VPS29: variants seen among roughly 807,000 people sequenced by gnomAD.
VPS29 encodes the protein VPS29 retromer complex component, also known as vacuolar protein sorting-associated protein 29.
A neutral mutation model predicts 20.0 loss-of-function variants in VPS29; 2 were observed. The observed-to-expected ratio is 0.10, with a 90% CI of 0.04 to 0.31. VPS29 has a LOEUF of 0.31. Among genes scored for constraint, VPS29 ranks in the 10% least tolerant of loss-of-function variants. The pLI is 1.00. For missense variants in VPS29, 120 were observed against 215.3 expected, an observed-to-expected ratio of 0.56 and a Z score of 2.77; for synonymous variants, 81 against 79.3, an observed-to-expected ratio of 1.02 and a Z score of -0.12.
At chr12:110,494,909 A>G (rs1239515097) in intron 2 of VPS29, among the ~76,000 whole-genome samples, 2 of 151,820 alleles carry the variant, frequency 1.3e-5, no homozygotes, top group Non-Finnish European at 2.9e-5. Context: ...TTTAGTAGAG[A>G]TGGGGTTTCA....
rs1004104145 is a variant in VPS29, at chr12:110,499,616, T to C, written c.3+2433A>G. The C allele has an allele frequency of 8.6e-6, 10 of 1,163,204 alleles. No homozygotes were observed. The Admixed American group carries it at 1.7e-4, about 19-fold the overall frequency. The allele number at this position is 1,163,204 out of a possible 1,614,324, so 72.1% of individuals were successfully genotyped here. A position where few individuals can be genotyped will look rare whatever the true frequency, so the allele number is the denominator to read the frequency against. On this transcript the variant is annotated intron_variant, in intron 1 of 3. Transcript: ENST00000549578. ...AAAAAGGGTGAAACATGACCAATGTTAAAAGAAAGCAACAAAAAGAAACCA... is the reference window on the plus strand; with the variant it reads ...AAAAAGGGTGAAACATGACCAATGTCAAAAGAAAGCAACAAAAAGAAACCA...
chr12:110,493,983 C>T (rs910867699), intron 2 of VPS29, among the ~76,000 whole-genome samples: 13 of 152,088 alleles, frequency 8.5e-5, no homozygotes, highest in African/African-American at 3.1e-4. Flanking sequence ...AGGGGTTTTA[C>T]AAATATCAAC....
Position 110,491,195 on chromosome 12 carries a change from T to A in VPS29, c.*810A>T, listed in dbSNP as rs2062814440. 6.6e-6 allele frequency: 1 copy of A among 152,028 alleles called. No homozygotes were observed. The highest frequency in any genetic ancestry group is 2.4e-5 in the African/African-American group (1 of 41,380). 9.4% of individuals were successfully genotyped at this position (152,028 alleles called of 1,614,324 possible). A position where few individuals can be genotyped will look rare whatever the true frequency, so the allele number is the denominator to read the frequency against. On this transcript the variant is annotated 3_prime_UTR_variant, in exon 4 of 4. Transcript: ENST00000549578. ...CCAGGATTCAAGTGATTCTACTGCC[T>A]CAGCCTCCCGAGTAGCTGGGAATAC...
At position 110,497,203 on chromosome 12, in the gene VPS29, CTTTCT is replaced by C. The variant is rs1268602799; in HGVS notation, c.4-1005_4-1001del. 5.4e-4 allele frequency among the ~76,000 whole-genome samples: 47 copies of C among 87,000 alleles called. 1 individual carries two copies. Among genetic ancestry groups the C allele is most frequent in the African/African-American group, 5.5e-4 (13 of 23,712 alleles). The allele number at this position is 87,000 out of a possible 152,430, so 57.1% of individuals were successfully genotyped here. ...CTGTAAAATTTTAATTTAAAAATTT[CTTTCT>C]TTTTTTTTTTTTTTTTTTTTTTTTT... On this transcript the variant is annotated intron_variant, in intron 1 of 3. Transcript: ENST00000549578.
chr12:110,497,006 A>C (rs900449365), intron 1 of VPS29: 2 of 151,814 alleles, frequency 1.3e-5, no homozygotes, highest in Admixed American at 6.6e-5. Flanking sequence ...TCCCCAACTT[A>C]AAAAAAAGAA....
chr12:110,496,048 A>G lies in VPS29; in HGVS notation c.159T>C (p.Ala53=). 2 of 1,605,962 alleles carry G rather than the reference A, an allele frequency of 1.2e-6. No individual in the cohort carries two copies. Among genetic ancestry groups the G allele is most frequent in the Non-Finnish European group, 1.7e-6 (2 of 1,173,364 alleles). ...CTCCTCTCACAATATGAACATCACCAGCCAGAGTCTTGAGATAGTCATAAC... is the reference window on the plus strand; with the variant it reads ...CTCCTCTCACAATATGAACATCACCGGCCAGAGTCTTGAGATAGTCATAAC... ...KESYDYLKTL[A]GDVHIVRGDF... is the part of the protein sequence containing the mutation. The change falls in exon 2 of 4, where the codon GCT becomes GCC. Residue 53 remains alanine, a synonymous_variant. Transcript: ENST00000549578.
chr12:110,491,774 C>T lies in VPS29; in HGVS notation c.*231G>A. ...GGATAAATTTTTCTTAACAAGTGAC[C>T]AATTACTGTGTTGTGGACATTTTTT... is the stretch of plus-strand genomic sequence containing the variant. On this transcript the variant is annotated 3_prime_UTR_variant, in exon 4 of 4. Transcript: ENST00000549578. 2.5e-6 allele frequency: 1 copy of T among 393,498 alleles called. No individual in the cohort carries two copies. Among genetic ancestry groups the T allele is most frequent in the Non-Finnish European group, 4.5e-6 (1 of 222,082 alleles). The allele number at this position is 393,498 out of a possible 1,614,324, so 24.4% of individuals were successfully genotyped here. A position where few individuals can be genotyped will look rare whatever the true frequency, so the allele number is the denominator to read the frequency against.
intron 1 of VPS29, chr12:110,497,005 TAAAA>T (rs1008741323): frequency 1.3e-5 from 2 of 151,476 alleles, no homozygotes; most frequent in African/African-American, 4.8e-5. Flanking sequence ...TTCCCCAACT[TAAAA>T]AAAAGAAAAC....
At position 110,491,969 on chromosome 12, in the gene VPS29, G is replaced by A. The variant is rs1399455969; in HGVS notation, c.*36C>T. On this transcript the variant is annotated 3_prime_UTR_variant, in exon 4 of 4. Transcript: ENST00000549578. ...AATTACTTGATTTCAACAGGACAAT[G>A]AAAAAAAACCAAAAATCATCAAGAC... is the stretch of plus-strand genomic sequence containing the variant. 2 of 1,517,238 alleles carry A rather than the reference G, an allele frequency of 1.3e-6. No individual in the cohort carries two copies. The highest frequency in any genetic ancestry group is 1.8e-6 in the Non-Finnish European group (2 of 1,098,592). The allele number at this position is 1,517,238 out of a possible 1,614,324, so 94.0% of individuals were successfully genotyped here.
In VPS29 at chr12:110,491,947, T is replaced by A; in HGVS notation, c.*58A>T. 2 of 1,246,726 alleles carry A rather than the reference T, an allele frequency of 1.6e-6. No homozygotes were observed. Among genetic ancestry groups the A allele is most frequent in the Non-Finnish European group, 1.2e-6 (1 of 859,996 alleles). 77.2% of individuals were successfully genotyped at this position (1,246,726 alleles called of 1,614,324 possible). On this transcript the variant is annotated 3_prime_UTR_variant, in exon 4 of 4. Coordinates refer to ENST00000549578, the MANE Select transcript of VPS29 (RefSeq NM_016226.5). Reference sequence around the variant, plus strand: ...ATTTTGTGGCTCTTAAATGTTTAATTACTTGATTTCAACAGGACAATGAAA... The same window carrying A: ...ATTTTGTGGCTCTTAAATGTTTAATAACTTGATTTCAACAGGACAATGAAA...
chr12:110,491,721 C>A lies in VPS29; in HGVS notation c.*284G>T. ...ATGCACTACTTTTGGAATAAAGTTC[C>A]AAATATCAACTTTGAAGATACTTAC... On this transcript the variant is annotated 3_prime_UTR_variant, in exon 4 of 4. Coordinates refer to ENST00000549578, the MANE Select transcript of VPS29 (RefSeq NM_016226.5). 3.8e-6 allele frequency: 1 copy of A among 260,660 alleles called. No homozygotes were observed. The highest frequency in any genetic ancestry group is 7.2e-6 in the Non-Finnish European group (1 of 138,644). 16.1% of individuals were successfully genotyped at this position (260,660 alleles called of 1,614,324 possible). A position where few individuals can be genotyped will look rare whatever the true frequency, so the allele number is the denominator to read the frequency against.
intron 1 of VPS29, 160 bp downstream of exon 1, chr12:110,501,889 C>T (rs1188884772): frequency 7.2e-6 from 11 of 1,518,604 alleles, no homozygotes; most frequent in Non-Finnish European, 9.8e-6. Context: ...TCCCTTCCTT[C>T]CCTAGACCTC....
chr12:110,491,456 C>T lies in VPS29; in HGVS notation c.*549G>A, dbSNP rs4766492. On this transcript the variant is annotated 3_prime_UTR_variant, in exon 4 of 4. Coordinates refer to ENST00000549578, the MANE Select transcript of VPS29 (RefSeq NM_016226.5). ...CAGTTTGAAGAATCACTGTTAATGTCGGCATGGTATATTATTTAGCAAATA... is the reference window on the plus strand; with the variant it reads ...CAGTTTGAAGAATCACTGTTAATGTTGGCATGGTATATTATTTAGCAAATA... 82,881 of 152,108 alleles carry T rather than the reference C, an allele frequency of 0.54. 24,396 individuals carry two copies. The highest frequency in any genetic ancestry group is 0.91 in the East Asian group (4,734 of 5,194). The allele number at this position is 152,108 out of a possible 1,614,324, so 9.4% of individuals were successfully genotyped here.
At chr12:110,493,509 GCCA>G (rs1383094115) in intron 2 of VPS29, among the ~76,000 whole-genome samples, 3 of 151,754 alleles carry the variant, frequency 2.0e-5, no homozygotes, top group African/African-American at 7.3e-5. Flanking sequence ...ACAGGCACCC[GCCA>G]CCACGCCCGC....
At chr12:110,501,661 C>CT in intron 1 of VPS29, 1 of 1,522,132 alleles carries the variant, frequency 6.6e-7, no homozygotes, top group East Asian at 2.4e-5. Flanking sequence ...GCGGGAGGTG[C>CT]TTTTTGCGGG....
chr12:110,499,427 T>C, intron 1 of VPS29: 1 of 1,494,786 alleles, frequency 6.7e-7, no homozygotes, highest in Non-Finnish European at 9.0e-7. Flanking sequence ...AATCAAAGCA[T>C]GGGAATTCGG....
chr12:110,499,872 A>G (rs1488739276), intron 1 of VPS29, among the ~76,000 whole-genome samples: 1 of 152,036 alleles, frequency 6.6e-6, no homozygotes, highest in African/African-American at 2.4e-5. Context: ...TCTGTTTTCC[A>G]TTCTGTTTAG....
At chr12:110,499,921 C>T (rs1384255805) in intron 1 of VPS29, among the ~76,000 whole-genome samples, 1 of 152,112 alleles carries the variant, frequency 6.6e-6, no homozygotes, top group African/African-American at 2.4e-5. Flanking sequence ...ATTTGGATTT[C>T]TACAAGACAC....
intron 1 of VPS29, among the ~76,000 whole-genome samples, chr12:110,497,207 CTTTTTTTTTTTTTTTTT>C (rs71083128): frequency 1.3e-5 from 1 of 77,214 alleles, no homozygotes; most frequent in African/African-American, 5.2e-5. Context: ...AAATTTCTTT[CTTTTTTTTTTTTTTTTT>C]TTTTTTTTTT....
Sources: allele counts gnomAD v4.1 joint callset (sites outside exome capture counted in the v4.1 genomes callset), GRCh38; gene constraint gnomAD v4.1.1; transcripts MANE v1.5; gene names NCBI Gene and HGNC (gene_info 2026-07-23, HGNC 2026-07-21).